TRPC4AP: variants seen among roughly 807,000 people sequenced by gnomAD.
The protein encoded by TRPC4AP is transient receptor potential cation channel subfamily C member 4 associated protein.
In TRPC4AP, 45 loss-of-function variants were observed where a neutral mutation model predicts 99.0. The ratio of observed to expected loss-of-function variants is 0.45; its 90% confidence interval spans 0.36 to 0.58. TRPC4AP has a LOEUF of 0.58. Among genes scored for constraint, TRPC4AP ranks in the 20% least tolerant of loss-of-function variants. TRPC4AP has a pLI of 0.00. For synonymous variants in TRPC4AP, 408 were observed against 385.8 expected (o/e 1.06, Z -0.67); for missense variants, 879 against 985.3 (o/e 0.89, Z 1.44).
chr20:35,051,830 A>T lies in TRPC4AP; in HGVS notation c.529-1836T>A, dbSNP rs1395132824. On this transcript the variant is annotated intron_variant, in intron 5 of 18. Transcript: ENST00000252015. ...AATACACAACCCTGCTGCTCTAACTAGCTACCCTTGACTACCCACCTTTCT... is the reference window on the plus strand; with the variant it reads ...AATACACAACCCTGCTGCTCTAACTTGCTACCCTTGACTACCCACCTTTCT... Among the ~76,000 whole-genome samples, 5 of 152,094 alleles carry T rather than the reference A, an allele frequency of 3.3e-5. No individual in the cohort carries two copies. In the East Asian group the frequency reaches 9.6e-4, roughly 29 times the overall value.
At position 35,002,662 on chromosome 20, in the gene TRPC4AP, G is replaced by T. The variant is rs1479851317; in HGVS notation, c.*484C>A. The stretch of plus-strand genomic sequence containing the variant: ...AGGAGCTACAGGAAAATGAGGCAGA[G>T]GGGCAGGCTTGGGGGAAGGCAGCAT... On this transcript the variant is annotated 3_prime_UTR_variant, in exon 19 of 19. Transcript: ENST00000252015. 5.9e-6 allele frequency: 1 copy of T among 170,580 alleles called. No individual in the cohort carries two copies. The highest frequency in any genetic ancestry group is 1.2e-5 in the Non-Finnish European group (1 of 80,050). 10.6% of individuals were successfully genotyped at this position (170,580 alleles called of 1,614,324 possible). A position where few individuals can be genotyped will look rare whatever the true frequency, so the allele number is the denominator to read the frequency against.
intron 6 of TRPC4AP, among the ~76,000 whole-genome samples, chr20:35,046,206 C>T (rs1387124616): frequency 2.0e-5 from 3 of 151,660 alleles, no homozygotes; most frequent in Admixed American, 2.0e-4. Flanking sequence ...TAATAAATAC[C>T]CTATATATAG....
intron 5 of TRPC4AP, among the ~76,000 whole-genome samples, chr20:35,054,399 T>C (rs1477115109): frequency 6.6e-6 from 1 of 152,234 alleles, no homozygotes; most frequent in East Asian, 1.9e-4. Context: ...ATCTATGATG[T>C]TAATACAACT....
intron 7 of TRPC4AP, among the ~76,000 whole-genome samples, chr20:35,043,944 G>T (rs566637515): frequency 3.9e-5 from 6 of 152,260 alleles, no homozygotes; most frequent in African/African-American, 1.4e-4. Flanking sequence ...ATATGCATTT[G>T]TAATTCTGAT....
chr20:35,090,377 C>CTTTTTTTTTTTTTTTTTTTTTTTTTT (rs71196792), intron 1 of TRPC4AP, among the ~76,000 whole-genome samples: 1 of 88,992 alleles, frequency 1.1e-5, no homozygotes, highest in African/African-American at 4.6e-5. Context: ...ATCTGGTGAG[C>CTTTTTTTTTTTTTTTTTTTTTTTTTT]TTTTTTTTTT....
At chr20:35,006,074 C>T (rs2082509971) in intron 15 of TRPC4AP, among the ~76,000 whole-genome samples, 1 of 152,186 alleles carries the variant, frequency 6.6e-6, no homozygotes, top group African/African-American at 2.4e-5. Flanking sequence ...TTTAATTTTA[C>T]TTCAGCTAGC....
Position 35,086,525 on chromosome 20 carries a change from ATGTGTGTGTGTG to A in TRPC4AP, c.168+6077_168+6088del, listed in dbSNP as rs1176461079. Among the ~76,000 whole-genome samples, 329 of 69,218 alleles carry A rather than the reference ATGTGTGTGTGTG, an allele frequency of 4.8e-3. 19 individuals carry two copies. The highest frequency in any genetic ancestry group is 0.012 in the African/African-American group (217 of 17,516). 45.4% of individuals were successfully genotyped at this position (69,218 alleles called of 152,430 possible). ...TATATATATGTGTGTGTGTGTATATATGTGTGTGTGTGTGTGTGTGTGTGTGTGTGTGTGTGT... is the reference window on the plus strand; with the variant it reads ...TATATATATGTGTGTGTGTGTATATATGTGTGTGTGTGTGTGTGTGTGTGT... On this transcript the variant is annotated intron_variant, in intron 1 of 18. Transcript: ENST00000252015.
rs1439696216 is a variant in TRPC4AP at position 35,078,051 on chromosome 20, G to A, written c.292C>T (p.Leu98Phe). Residue 98 changes from leucine to phenylalanine, a missense_variant, in exon 2 of 19, where the codon CTC (leucine) becomes TTC (phenylalanine). Physicochemically the swap from Leu to Phe is conservative, Grantham distance 22 (BLOSUM62 0). Coordinates refer to ENST00000252015, the MANE Select transcript of TRPC4AP (RefSeq NM_015638.3). Reference protein sequence around the residue: ...HSDFVECQNILKEISPLLSME... With the variant: ...HSDFVECQNIFKEISPLLSME... ...CCAAGGTCCTTAAGAGTTACCTTGA[G>A]GATGTTTTGACACTCAACAAAGTCA... The A allele has an allele frequency of 1.9e-6, 3 of 1,612,578 alleles. No individual in the cohort carries two copies. The highest frequency in any genetic ancestry group is 2.2e-5 in the East Asian group (1 of 44,856).
intron 8 of TRPC4AP, among the ~76,000 whole-genome samples, chr20:35,027,700 T>C (rs1024407639): frequency 2.0e-5 from 3 of 152,242 alleles, no homozygotes; most frequent in African/African-American, 4.8e-5. Context: ...CTCGTTGTTA[T>C]ACTTCAGGTT....
At chr20:35,026,375 T>TA (rs1207095299) in intron 8 of TRPC4AP, among the ~76,000 whole-genome samples, 1 of 152,030 alleles carries the variant, frequency 6.6e-6, no homozygotes, top group Non-Finnish European at 1.5e-5. Flanking sequence ...TCACGAGGCT[T>TA]GCCTAATTTT....
intron 2 of TRPC4AP, among the ~76,000 whole-genome samples, chr20:35,072,599 C>T (rs112805608): frequency 1.4e-4 from 21 of 152,158 alleles, no homozygotes; most frequent in Non-Finnish European, 2.6e-4. Context: ...TGTAGATATG[C>T]GGCATTATTT....
intron 7 of TRPC4AP, among the ~76,000 whole-genome samples, chr20:35,037,005 A>G (rs1449284545): frequency 5.3e-5 from 8 of 151,870 alleles, no homozygotes; most frequent in Admixed American, 5.2e-4. Flanking sequence ...GTGAGTGGCT[A>G]TAAGATGATG....
chr20:35,050,627 C>A (rs1327976657), intron 5 of TRPC4AP, among the ~76,000 whole-genome samples: 1 of 151,224 alleles, frequency 6.6e-6, no homozygotes, highest in Non-Finnish European at 1.5e-5. Flanking sequence ...GTAAAAGGAT[C>A]ATTTGAGCCC....
chr20:35,022,314 C>T (rs1173727120), intron 8 of TRPC4AP, among the ~76,000 whole-genome samples: 5 of 152,196 alleles, frequency 3.3e-5, no homozygotes, highest in Admixed American at 3.3e-4. Context: ...TGCCACCACG[C>T]CCAGCTAATT....
At chr20:35,084,700 ATATGTATATATGTTTATATG>A in intron 1 of TRPC4AP, among the ~76,000 whole-genome samples, 1 of 137,738 alleles carries the variant, frequency 7.3e-6, no homozygotes, top group African/African-American at 2.7e-5. Context: ...ATATATGTGT[ATATGTATATATGTTTATATG>A]CATATATGTG....
At chr20:35,024,923 G>C (rs1007771315) in intron 8 of TRPC4AP, among the ~76,000 whole-genome samples, 3 of 149,496 alleles carry the variant, frequency 2.0e-5, no homozygotes, top group African/African-American at 7.4e-5. Flanking sequence ...TTATGAATAT[G>C]CTGTGATGAA....
intron 6 of TRPC4AP, among the ~76,000 whole-genome samples, chr20:35,047,307 T>C (rs947276858): frequency 1.3e-5 from 2 of 152,222 alleles, no homozygotes; most frequent in Admixed American, 6.5e-5. Context: ...TGCCTTGCCA[T>C]TTAAAAACTA....
intron 2 of TRPC4AP, among the ~76,000 whole-genome samples, chr20:35,075,899 C>T (rs1204305569): frequency 6.6e-6 from 1 of 152,208 alleles, no homozygotes; most frequent in African/African-American, 2.4e-5. Context: ...GTACACCAAT[C>T]AGACGTAGAT....
chr20:35,066,079 G>A (rs533765564), intron 3 of TRPC4AP, among the ~76,000 whole-genome samples: 138 of 152,212 alleles, frequency 9.1e-4, no homozygotes, highest in African/African-American at 3.2e-3. Flanking sequence ...TTTAATAATT[G>A]AAGTATAACG....
Sources: gnomAD v4.1 joint callset for allele counts (sites outside exome capture counted in the v4.1 genomes callset) on GRCh38, gnomAD v4.1.1 for gene constraint, MANE v1.5 for transcripts, NCBI Gene and HGNC (gene_info 2026-07-23, HGNC 2026-07-21) for gene names.